CACNA1C: variants seen among roughly 807,000 people sequenced by gnomAD.
The protein encoded by CACNA1C is voltage-dependent L-type calcium channel subunit alpha-1C.
CACNA1C carries 30 observed loss-of-function variants against 229.0 expected under a neutral mutation model. That is an observed-to-expected ratio of 0.13 (90% CI 0.10 to 0.18). The LOEUF (loss-of-function observed/expected upper bound fraction) is 0.18, where lower values mean the gene tolerates loss of function less well. CACNA1C is among the 10% of genes least tolerant of loss of function. The pLI, the probability that CACNA1C is intolerant of heterozygous loss-of-function variation, is 1.00. For synonymous variants in CACNA1C, 1,114 were observed against 1,132.5 expected, an observed-to-expected ratio of 0.98 and a Z score of 0.33; for missense variants, 1,658 against 2,845.0, an observed-to-expected ratio of 0.58 and a Z score of 9.49.
At chr12:2,248,661 G>A (rs534336476) in intron 3 of CACNA1C, among the ~76,000 whole-genome samples, 10 of 152,328 alleles carry the variant, frequency 6.6e-5, no homozygotes, top group African/African-American at 2.2e-4. Flanking sequence ...AAGCCGCAGT[G>A]GTATAAACTC....
chr12:2,002,284 G>T (rs938063671), intron 1 of CACNA1C, among the ~76,000 whole-genome samples: 1 of 151,980 alleles, frequency 6.6e-6, no homozygotes, highest in African/African-American at 2.4e-5. Context: ...ACATTCAAAC[G>T]GCTCCCATCC....
chr12:2,500,271 C>T (rs896282092), intron 7 of CACNA1C, among the ~76,000 whole-genome samples: 3 of 152,132 alleles, frequency 2.0e-5, no homozygotes, highest in Admixed American at 6.5e-5. Flanking sequence ...GTCTGTGGGG[C>T]CATGACCTTG....
chr12:2,582,994 A>T, intron 15 of CACNA1C, 52 bp downstream of exon 15: 2 of 1,355,060 alleles, frequency 1.5e-6, no homozygotes, highest in Non-Finnish European at 1.0e-6. Context: ...CCCAGCCTGC[A>T]GCACAGTGCC....
At chr12:2,558,701 A>C (rs2045861289) in intron 11 of CACNA1C, among the ~76,000 whole-genome samples, 1 of 152,204 alleles carries the variant, frequency 6.6e-6, no homozygotes. Flanking sequence ...TTTCTAAAGC[A>C]ACTCCCCACC....
Position 2,608,487 on chromosome 12 carries a change from T to C in CACNA1C, c.3357-24T>C. ...GGGACCCTGCTTCTCCAGTTCCCTC[T>C]GTGGGACCTGTCTCCTCCTGCAGGC... is the stretch of plus-strand genomic sequence containing the variant. On this transcript the variant is annotated intron_variant, in intron 26 of 46. Coordinates refer to ENST00000399655, the MANE Select transcript of CACNA1C (RefSeq NM_000719.7). The surrounding 1 kb of genome is among the most constrained non-coding windows in gnomAD (Gnocchi z 4.2). 1 of 1,578,224 alleles carries C rather than the reference T, an allele frequency of 6.3e-7. No homozygotes were observed. The highest frequency in any genetic ancestry group is 8.6e-7 in the Non-Finnish European group (1 of 1,157,634).
chr12:2,539,982 C>T (rs1299119057), intron 9 of CACNA1C, among the ~76,000 whole-genome samples: 3 of 152,170 alleles, frequency 2.0e-5, no homozygotes, highest in Admixed American at 6.5e-5. Flanking sequence ...GAGGGGCAGC[C>T]TCAGAGTCAG....
At chr12:2,193,517 G>A (rs1307825734) in intron 3 of CACNA1C, among the ~76,000 whole-genome samples, 2 of 152,220 alleles carry the variant, frequency 1.3e-5, no homozygotes, top group Non-Finnish European at 2.9e-5. Flanking sequence ...GTAGAGGCTG[G>A]TGTTGAGAGC....
At chr12:2,317,203 C>T (rs1340383637) in intron 3 of CACNA1C, among the ~76,000 whole-genome samples, 1 of 152,156 alleles carries the variant, frequency 6.6e-6, no homozygotes, top group Non-Finnish European at 1.5e-5. Context: ...AAGAGATATT[C>T]GCACACCCAT....
chr12:2,327,548 G>A (rs1441196435), intron 3 of CACNA1C, among the ~76,000 whole-genome samples: 2 of 152,154 alleles, frequency 1.3e-5, no homozygotes, highest in Non-Finnish European at 2.9e-5. Context: ...TTAACCAGAC[G>A]ACCTCCACAC....
intron 3 of CACNA1C, among the ~76,000 whole-genome samples, chr12:2,202,193 C>G (rs2097596230): frequency 6.6e-6 from 1 of 152,320 alleles, no homozygotes; most frequent in East Asian, 1.9e-4. Context: ...CTTGGAAAGC[C>G]TTAAAGAACA....
At chr12:2,143,834 C>A (rs566130313) in intron 3 of CACNA1C, among the ~76,000 whole-genome samples, 2 of 151,204 alleles carry the variant, frequency 1.3e-5, no homozygotes, top group South Asian at 4.2e-4. Flanking sequence ...TGATGCAGAG[C>A]CTTCCTATGA....
intron 11 of CACNA1C, among the ~76,000 whole-genome samples, chr12:2,558,962 C>T (rs1456324894): frequency 6.6e-6 from 1 of 152,154 alleles, no homozygotes; most frequent in Non-Finnish European, 1.5e-5. Flanking sequence ...AAATTTCTCT[C>T]TCTCAGTAAT....
At chr12:2,284,506 G>A (rs1451048124) in intron 3 of CACNA1C, among the ~76,000 whole-genome samples, 3 of 152,146 alleles carry the variant, frequency 2.0e-5, no homozygotes, top group African/African-American at 4.8e-5. Context: ...CCCTCCAGGC[G>A]GGCATACTGC....
chr12:2,016,482 T>C (rs2045394297), intron 1 of CACNA1C, among the ~76,000 whole-genome samples: 1 of 152,018 alleles, frequency 6.6e-6, no homozygotes, highest in Non-Finnish European at 1.5e-5. Context: ...CAGGCTGGAG[T>C]GCAATGGCAC....
chr12:2,311,440 C>T (rs909357991), intron 3 of CACNA1C, among the ~76,000 whole-genome samples: 8 of 152,194 alleles, frequency 5.3e-5, no homozygotes, highest in African/African-American at 1.9e-4. Context: ...CCAGAGGATG[C>T]AGGGACCCTT....
intron 1 of CACNA1C, among the ~76,000 whole-genome samples, chr12:2,107,230 TCCTTAAGCCACTGGGCGC>T (rs1440062229): frequency 5.7e-5 from 7 of 122,046 alleles, no homozygotes; most frequent in Admixed American, 1.8e-4. Context: ...CCGCTGGGCG[TCCTTAAGCCACTGGGCGC>T]CCACCCTGGA....
chr12:2,665,782 T>C lies in CACNA1C; in HGVS notation c.4526+74T>C. ...AGCTGACCATACCTGCAGGAGGGGC[T>C]CAAGGTTGGCCAACACTGGGTGGAT... On this transcript the variant is annotated intron_variant, in intron 36 of 46. Coordinates refer to ENST00000399655, the MANE Select transcript of CACNA1C (RefSeq NM_000719.7). The surrounding 1 kb of genome is among the most constrained non-coding windows in gnomAD (Gnocchi z 5.9). 6 of 1,479,490 alleles carry C rather than the reference T, an allele frequency of 4.1e-6. No homozygotes were observed. The highest frequency in any genetic ancestry group is 5.5e-6 in the Non-Finnish European group (6 of 1,095,338). The allele number at this position is 1,479,490 out of a possible 1,614,324, so 91.6% of individuals were successfully genotyped here.
chr12:2,549,452 C>T (rs949898857), intron 9 of CACNA1C, among the ~76,000 whole-genome samples: 1 of 152,230 alleles, frequency 6.6e-6, no homozygotes, highest in African/African-American at 2.4e-5. Context: ...CACCCAGCAG[C>T]TCATCAAGGT....
intron 3 of CACNA1C, among the ~76,000 whole-genome samples, chr12:2,161,626 T>C (rs1034500578): frequency 6.6e-6 from 1 of 152,214 alleles, no homozygotes; most frequent in Non-Finnish European, 1.5e-5. Context: ...CCTACTTTCT[T>C]GCTTTGTAAG....
Sources: allele counts gnomAD v4.1 joint callset (sites outside exome capture counted in the v4.1 genomes callset), GRCh38; gene constraint gnomAD v4.1.1; non-coding constraint Gnocchi (gnomAD v3.1); transcripts MANE v1.5; gene names NCBI Gene and HGNC (gene_info 2026-07-23, HGNC 2026-07-21).